The following CCDC148 variants were observed in gnomAD, a reference collection of about 807,000 sequenced individuals.
CCDC148 encodes coiled-coil domain containing 148.
In CCDC148, 89 loss-of-function variants were observed where a neutral mutation model predicts 85.7. The observed-to-expected ratio is 1.04, with a 90% CI of 0.87 to 1.24. The LOEUF (loss-of-function observed/expected upper bound fraction) is 1.24. Among genes scored for constraint, CCDC148 ranks in the 50% most tolerant of loss-of-function variants. The probability of loss-of-function intolerance (pLI) is 0.00; values close to 1 mark genes in which losing one functional copy is unlikely to be tolerated. For synonymous variants in CCDC148, 230 were observed against 213.9 expected (o/e 1.08, Z -0.66); for missense variants, 692 against 671.7 (o/e 1.03, Z -0.33).
intron 1 of CCDC148, among the ~76,000 whole-genome samples, chr2:158,410,622 C>T (rs536875434): frequency 6.6e-6 from 1 of 152,118 alleles, no homozygotes; most frequent in African/African-American, 2.4e-5. Context: ...TATAAAATCT[C>T]TATACTTTTA....
chr2:158,339,587 A>C (rs2105241806), intron 5 of CCDC148, among the ~76,000 whole-genome samples: 1 of 152,312 alleles, frequency 6.6e-6, no homozygotes, highest in African/African-American at 2.4e-5. Context: ...CAAACTAATA[A>C]AAAAATATGT....
At chr2:158,422,732 C>T (rs189491211) in intron 1 of CCDC148, among the ~76,000 whole-genome samples, 6 of 152,074 alleles carry the variant, frequency 3.9e-5, no homozygotes, top group African/African-American at 7.2e-5. Context: ...AGTTCTGGCC[C>T]GAGCAATCAG....
intron 9 of CCDC148, among the ~76,000 whole-genome samples, chr2:158,266,915 T>A (rs6754827): frequency 0.011 from 1,442 of 136,164 alleles, 19 homozygotes; most frequent in African/African-American, 0.043. Flanking sequence ...TACACACACA[T>A]ATATACATAT....
intron 10 of CCDC148, among the ~76,000 whole-genome samples, chr2:158,234,120 G>A (rs946873035): frequency 9.2e-5 from 14 of 151,984 alleles, no homozygotes; most frequent in Non-Finnish European, 1.3e-4. Context: ...AGGTTGTAGC[G>A]GGCCGAGATT....
At chr2:158,421,913 A>G (rs1298306221) in intron 1 of CCDC148, among the ~76,000 whole-genome samples, 4 of 152,270 alleles carry the variant, frequency 2.6e-5, no homozygotes, top group African/African-American at 7.2e-5. Context: ...GGTTATCACC[A>G]CCGATCCCAC....
chr2:158,394,085 A>C (rs1685429330), intron 1 of CCDC148, among the ~76,000 whole-genome samples: 1 of 152,152 alleles, frequency 6.6e-6, no homozygotes, highest in African/African-American at 2.4e-5. Context: ...TTAAGGTTCA[A>C]ATGGATAAGT....
At chr2:158,323,301 G>A (rs1158399122) in intron 7 of CCDC148, among the ~76,000 whole-genome samples, 1 of 152,196 alleles carries the variant, frequency 6.6e-6, no homozygotes, top group South Asian at 2.1e-4. Flanking sequence ...AGATTTCAAA[G>A]ACTTCATATG....
intron 1 of CCDC148, among the ~76,000 whole-genome samples, chr2:158,374,738 A>G (rs1037663654): frequency 6.6e-6 from 1 of 151,934 alleles, no homozygotes. Flanking sequence ...AGTAATCAAC[A>G]TAGCCCCAAA....
chr2:158,215,849 C>T (rs531822475), intron 11 of CCDC148, among the ~76,000 whole-genome samples: 2 of 152,136 alleles, frequency 1.3e-5, no homozygotes, highest in South Asian at 2.1e-4. Flanking sequence ...GTGGGAGTCA[C>T]GCCCTTGTAA....
chr2:158,309,573 T>C lies in CCDC148; in HGVS notation c.970A>G (p.Asn324Asp), dbSNP rs752424743. 6.2e-7 allele frequency: 1 copy of C among 1,613,930 alleles called. No homozygotes were observed. The highest frequency in any genetic ancestry group is 2.2e-5 in the East Asian group (1 of 44,866). Residue 324 changes from asparagine to aspartate, a missense_variant, in exon 9 of 14, where the codon AAT becomes GAT. Coordinates refer to ENST00000283233, the MANE Select transcript of CCDC148 (RefSeq NM_138803.4). ...AAGTCTTTCTTATTTTTATTCCAAT[T>C]TGATATCAGGATATTTTGCTGCTCT... ...AIEQQNILIS[N>D]WNKNKKDFIQ...
At chr2:158,277,643 C>A (rs1327838767) in intron 9 of CCDC148, among the ~76,000 whole-genome samples, 2 of 151,434 alleles carry the variant, frequency 1.3e-5, no homozygotes, top group Non-Finnish European at 2.9e-5. Context: ...GTTGCCCAGG[C>A]TGGAGTGCAG....
In CCDC148 at chr2:158,190,925, T is replaced by C. The variant is rs1364367891; in HGVS notation, c.1371-11929A>G. Among the ~76,000 whole-genome samples, 5 of 151,990 alleles carry C rather than the reference T, an allele frequency of 3.3e-5. 1 individual carries two copies. Among genetic ancestry groups the C allele is most frequent in the Non-Finnish European group, 4.4e-5 (3 of 67,944 alleles). ...ATAAATGTGTTTTCAGAATCACAAA[T>C]ACTAAAAGAGGCATTGCTTTAGTAT... On this transcript the variant is annotated intron_variant, in intron 11 of 13. Transcript: ENST00000283233.
At chr2:158,220,800 AT>A in intron 10 of CCDC148, 87 bp from the exon 11 acceptor site, 1 of 1,005,474 alleles carries the variant, frequency 9.9e-7, no homozygotes, top group Non-Finnish European at 1.5e-6. Flanking sequence ...ACTGGTTCGT[AT>A]TACAAAATTG....
At chr2:158,439,204 T>C (rs1470646953) in intron 1 of CCDC148, among the ~76,000 whole-genome samples, 1 of 152,130 alleles carries the variant, frequency 6.6e-6, no homozygotes, top group Non-Finnish European at 1.5e-5. Flanking sequence ...CTATTCACAA[T>C]AGCAAAGGCT....
chr2:158,261,357 T>TA (rs1689215089), intron 9 of CCDC148, among the ~76,000 whole-genome samples: 1 of 151,708 alleles, frequency 6.6e-6, no homozygotes, highest in African/African-American at 2.4e-5. Flanking sequence ...ACATCATATA[T>TA]AAAAATCAAC....
intron 10 of CCDC148, among the ~76,000 whole-genome samples, chr2:158,241,068 C>T (rs1022479755): frequency 9.5e-4 from 144 of 152,212 alleles, no homozygotes; most frequent in African/African-American, 3.3e-3. Context: ...TGGATGAGAA[C>T]AAAGGCACTC....
At chr2:158,224,069 G>C (rs914881292) in intron 10 of CCDC148, among the ~76,000 whole-genome samples, 7 of 152,058 alleles carry the variant, frequency 4.6e-5, no homozygotes, top group South Asian at 2.1e-4. Context: ...TAAAAACCTT[G>C]AAAAAAAATT....
chr2:158,421,743 C>A (rs547628138), intron 1 of CCDC148, among the ~76,000 whole-genome samples: 2 of 152,148 alleles, frequency 1.3e-5, no homozygotes, highest in African/African-American at 2.4e-5. Context: ...AAGATCAGAG[C>A]AGAACGTAAG....
intron 10 of CCDC148, among the ~76,000 whole-genome samples, chr2:158,234,137 T>C (rs796798620): frequency 9.2e-5 from 14 of 152,046 alleles, no homozygotes; most frequent in African/African-American, 3.4e-4. Context: ...GATTATGCCA[T>C]TGCACTACAG....
Sources: gnomAD v4.1 joint callset for allele counts (sites outside exome capture counted in the v4.1 genomes callset) on GRCh38, gnomAD v4.1.1 for gene constraint, MANE v1.5 for transcripts, NCBI Gene and HGNC (gene_info 2026-07-23, HGNC 2026-07-21) for gene names.